SPPL3: variants seen among roughly 807,000 people sequenced by gnomAD.
SPPL3 encodes signal peptide peptidase like 3, also known as signal peptide peptidase-like 3.
A neutral mutation model predicts 42.4 loss-of-function variants in SPPL3; 5 were observed. The observed-to-expected ratio is 0.12, with a 90% CI of 0.06 to 0.25. The LOEUF (loss-of-function observed/expected upper bound fraction) is 0.25, where lower values mean the gene tolerates loss of function less well. Among genes scored for constraint, SPPL3 ranks in the 10% least tolerant of loss-of-function variants. The pLI is 1.00. For missense variants in SPPL3, 235 were observed against 489.0 expected (o/e 0.48, Z 4.90); for synonymous variants, 195 against 181.8 (o/e 1.07, Z -0.58).
chr12:120,896,430 A>T (rs931040260), intron 1 of SPPL3, among the ~76,000 whole-genome samples: 7 of 152,150 alleles, frequency 4.6e-5, no homozygotes, highest in Non-Finnish European at 4.4e-5. Context: ...ATTCCAGAAG[A>T]CAAGTATTCT....
At chr12:120,868,076 C>T (rs965740290) in intron 1 of SPPL3, among the ~76,000 whole-genome samples, 2 of 152,076 alleles carry the variant, frequency 1.3e-5, no homozygotes, top group Non-Finnish European at 2.9e-5. Flanking sequence ...TCAGCCCAGG[C>T]AACACAGTGA....
intron 1 of SPPL3, among the ~76,000 whole-genome samples, chr12:120,885,521 T>G (rs556869970): frequency 6.6e-6 from 1 of 152,346 alleles, no homozygotes; most frequent in Non-Finnish European, 1.5e-5. Context: ...AATAACTACA[T>G]GTCCTTAAGG....
At chr12:120,858,811 T>C (rs1872543005) in intron 1 of SPPL3, among the ~76,000 whole-genome samples, 1 of 152,150 alleles carries the variant, frequency 6.6e-6, no homozygotes, top group Non-Finnish European at 1.5e-5. Flanking sequence ...ATCACTAGTC[T>C]CTGACAGCAA....
At chr12:120,802,140 T>C (rs912757918) in intron 2 of SPPL3, among the ~76,000 whole-genome samples, 5 of 151,848 alleles carry the variant, frequency 3.3e-5, no homozygotes, top group Admixed American at 2.0e-4. Flanking sequence ...TTAAAAAGGA[T>C]TTTCTGAGGA....
intron 2 of SPPL3, among the ~76,000 whole-genome samples, chr12:120,798,292 A>G (rs1279075946): frequency 6.6e-6 from 1 of 152,212 alleles, no homozygotes; most frequent in South Asian, 2.1e-4. Context: ...ATATTTCTCC[A>G]GCCATCAGAG....
intron 1 of SPPL3, among the ~76,000 whole-genome samples, chr12:120,867,838 C>T (rs951534626): frequency 6.6e-6 from 1 of 151,854 alleles, no homozygotes; most frequent in African/African-American, 2.4e-5. Context: ...ACCTCCACCT[C>T]CCGGGTTCAA....
chr12:120,794,943 AAC>A (rs1251795873), intron 2 of SPPL3, among the ~76,000 whole-genome samples: 15 of 152,302 alleles, frequency 9.8e-5, no homozygotes, highest in African/African-American at 3.4e-4. Flanking sequence ...ATACATCTTT[AAC>A]ACAGTCTACC....
At chr12:120,883,279 TG>T (rs1873349876) in intron 1 of SPPL3, among the ~76,000 whole-genome samples, 1 of 152,336 alleles carries the variant, frequency 6.6e-6, no homozygotes, top group Non-Finnish European at 1.5e-5. Context: ...CACTCCAGCC[TG>T]GGCGACAGAG....
At chr12:120,854,543 T>C (rs535623918) in intron 1 of SPPL3, among the ~76,000 whole-genome samples, 17 of 152,034 alleles carry the variant, frequency 1.1e-4, no homozygotes, top group African/African-American at 3.6e-4. Flanking sequence ...AAAACAATAA[T>C]TGATGAACAA....
At chr12:120,779,645 C>T (rs578246100) in intron 6 of SPPL3, among the ~76,000 whole-genome samples, 2 of 151,894 alleles carry the variant, frequency 1.3e-5, no homozygotes, top group Admixed American at 1.3e-4. Flanking sequence ...TTTGAGATTA[C>T]AAAAGTGAAC....
intron 3 of SPPL3, among the ~76,000 whole-genome samples, chr12:120,789,386 G>A (rs1318882195): frequency 3.5e-5 from 5 of 142,598 alleles, no homozygotes; most frequent in African/African-American, 7.7e-5. Context: ...CCCGGGAGGC[G>A]GAGGATGCAG....
At chr12:120,891,053 T>C (rs1359770844) in intron 1 of SPPL3, among the ~76,000 whole-genome samples, 3 of 152,216 alleles carry the variant, frequency 2.0e-5, no homozygotes, top group African/African-American at 4.8e-5. Context: ...CTGTCTACTT[T>C]CTGGTAGCTG....
chr12:120,889,366 C>T (rs141124068), intron 1 of SPPL3, among the ~76,000 whole-genome samples: 324 of 152,364 alleles, frequency 2.1e-3, no homozygotes, highest in Non-Finnish European at 3.4e-3. Context: ...GTTCTTCCCA[C>T]TAATGGGCGT....
At chr12:120,782,267 A>G (rs550181675) in intron 6 of SPPL3, among the ~76,000 whole-genome samples, 7 of 152,388 alleles carry the variant, frequency 4.6e-5, no homozygotes, top group African/African-American at 1.7e-4. Context: ...AACAACCGGT[A>G]AACGAATAAA....
At chr12:120,848,754 A>C (rs1016878583) in intron 1 of SPPL3, among the ~76,000 whole-genome samples, 1 of 152,230 alleles carries the variant, frequency 6.6e-6, no homozygotes, top group African/African-American at 2.4e-5. Flanking sequence ...TTTCTCACAG[A>C]TGCTTTAAAT....
chr12:120,896,039 T>TA (rs71453515), intron 1 of SPPL3, among the ~76,000 whole-genome samples: 30 of 147,726 alleles, frequency 2.0e-4, no homozygotes, highest in East Asian at 5.9e-4. Flanking sequence ...TCAGAGCACT[T>TA]AAAAAAAAAA....
chr12:120,895,805 C>CT (rs1193538614), intron 1 of SPPL3, among the ~76,000 whole-genome samples: 1 of 152,188 alleles, frequency 6.6e-6, no homozygotes, highest in Non-Finnish European at 1.5e-5. Context: ...AAATACAACA[C>CT]TAGGACTAAG....
At chr12:120,854,287 G>C (rs1266758684) in intron 1 of SPPL3, among the ~76,000 whole-genome samples, 1 of 152,200 alleles carries the variant, frequency 6.6e-6, no homozygotes, top group African/African-American at 2.4e-5. Flanking sequence ...CATTCAGTGG[G>C]AGGTAAACAT....
intron 1 of SPPL3, among the ~76,000 whole-genome samples, chr12:120,840,963 A>ATTC (rs1566057565): frequency 5.1e-5 from 7 of 137,960 alleles, no homozygotes; most frequent in African/African-American, 1.2e-4. Context: ...TTCATTCATT[A>ATTC]ATAAATAAAT....
Sources: allele counts gnomAD v4.1 joint callset (sites outside exome capture counted in the v4.1 genomes callset), GRCh38; gene constraint gnomAD v4.1.1; transcripts MANE v1.5; gene names NCBI Gene and HGNC (gene_info 2026-07-23, HGNC 2026-07-21).